Variants in XYLB observed in about 807,000 individuals in gnomAD.
XYLB encodes the protein xylulose kinase.
Under a neutral mutation model 78.7 loss-of-function variants are expected in XYLB, and 62 were observed. The ratio of observed to expected loss-of-function variants is 0.79; its 90% CI spans 0.64 to 0.97. The LOEUF is 0.97. Among genes scored for constraint, XYLB ranks in the 50% least tolerant of loss-of-function variants. The pLI, the probability that XYLB is intolerant of heterozygous loss-of-function variation, is 0.00. For synonymous variants in XYLB, 245 were observed against 247.4 expected (o/e 0.99, Z 0.09); for missense variants, 687 against 676.8 (o/e 1.02, Z -0.17).
the XYLB span, among the ~76,000 whole-genome samples, chr3:38,437,378 C>T: frequency 6.6e-6 from 1 of 152,132 alleles, no homozygotes; most frequent in Non-Finnish European, 1.5e-5. Context: ...TTTACCACTC[C>T]TATTCAACAT....
the XYLB span, chr3:38,452,203 A>G: frequency 1.3e-5 from 2 of 152,192 alleles, no homozygotes; most frequent in Non-Finnish European, 2.9e-5. Flanking sequence ...CATAGTATTC[A>G]ATCCTGTGTT....
chr3:38,423,352 G>A (rs1427282295), downstream of XYLB, among the ~76,000 whole-genome samples: 1 of 152,222 alleles, frequency 6.6e-6, no homozygotes, highest in Non-Finnish European at 1.5e-5. Context: ...GATTACAGGT[G>A]TGAGCCACCA....
chr3:38,365,974 G>GGGGT (rs1706237583), intron 6 of XYLB, among the ~76,000 whole-genome samples: 1 of 152,036 alleles, frequency 6.6e-6, no homozygotes, highest in African/African-American at 2.4e-5. Flanking sequence ...TGGGGGTGAG[G>GGGGT]GTACCCCCTC....
At chr3:38,387,612 TC>T (rs1707443224) in intron 15 of XYLB, among the ~76,000 whole-genome samples, 1 of 152,146 alleles carries the variant, frequency 6.6e-6, no homozygotes, top group African/African-American at 2.4e-5. Flanking sequence ...CCTCAGGTGA[TC>T]CGCCTGCCTC....
chr3:38,451,428 G>C, the XYLB span: 1 of 152,126 alleles, frequency 6.6e-6, no homozygotes, highest in South Asian at 2.1e-4. Context: ...TTCAAGACCA[G>C]CCTGGCCAAC....
chr3:38,450,651 C>G, the XYLB span, among the ~76,000 whole-genome samples: 4 of 152,066 alleles, frequency 2.6e-5, no homozygotes, highest in African/African-American at 9.7e-5. Flanking sequence ...AACAGAAAAC[C>G]CAAATAGAAC....
chr3:38,443,376 A>G, the XYLB span, among the ~76,000 whole-genome samples: 1 of 152,122 alleles, frequency 6.6e-6, no homozygotes, highest in Non-Finnish European at 1.5e-5. Context: ...CCTTCCAGTG[A>G]TTGCCTCGGC....
At chr3:38,450,632 G>A in the XYLB span, among the ~76,000 whole-genome samples, 15 of 152,078 alleles carry the variant, frequency 9.9e-5, no homozygotes, top group African/African-American at 3.1e-4. Context: ...TCTTGTAGTC[G>A]TTCAAAAGAA....
intron 5 of XYLB, 56 bp downstream of exon 5, chr3:38,365,341 G>T (rs1261919198): frequency 6.4e-7 from 1 of 1,572,326 alleles, no homozygotes. Context: ...CCCAAGTCCT[G>T]TGGGTCCTGA....
the XYLB span, among the ~76,000 whole-genome samples, chr3:38,432,417 A>G: frequency 2.6e-5 from 4 of 152,086 alleles, no homozygotes; most frequent in Non-Finnish European, 5.9e-5. Flanking sequence ...AAATACAAAA[A>G]TTAGCTGGGC....
intron 2 of XYLB, among the ~76,000 whole-genome samples, chr3:38,359,937 C>T (rs1166300228): frequency 6.6e-6 from 1 of 152,136 alleles, no homozygotes; most frequent in African/African-American, 2.4e-5. Flanking sequence ...GCCTGTAGTC[C>T]AAGGACTTGT....
downstream of XYLB, among the ~76,000 whole-genome samples, chr3:38,415,580 C>T (rs1217611056): frequency 6.6e-6 from 1 of 151,912 alleles, no homozygotes; most frequent in Non-Finnish European, 1.5e-5. Context: ...GTCAGGAGCT[C>T]GAGACCAGAC....
At chr3:38,428,622 A>G in the XYLB span, among the ~76,000 whole-genome samples, 1 of 152,216 alleles carries the variant, frequency 6.6e-6, no homozygotes, top group South Asian at 2.1e-4. Context: ...TGATATTACT[A>G]TAGCCACTCC....
the XYLB span, among the ~76,000 whole-genome samples, chr3:38,430,974 G>A: frequency 6.6e-6 from 1 of 152,218 alleles, no homozygotes; most frequent in South Asian, 2.1e-4. Flanking sequence ...AGTATAGTTT[G>A]AAGTCAGGTA....
intron 12 of XYLB, among the ~76,000 whole-genome samples, chr3:38,375,480 G>T (rs966034183): frequency 3.3e-4 from 51 of 152,320 alleles, no homozygotes; most frequent in Middle Eastern, 6.8e-3. Flanking sequence ...TCAAGCCCAG[G>T]TTCAAATTCT....
intron 15 of XYLB, among the ~76,000 whole-genome samples, chr3:38,392,609 T>C (rs1707713241): frequency 6.6e-6 from 1 of 152,136 alleles, no homozygotes; most frequent in Non-Finnish European, 1.5e-5. Flanking sequence ...TTAATAATGA[T>C]TTTGAACAGC....
At chr3:38,356,446 A>T (rs540692895) in intron 2 of XYLB, 2 of 152,370 alleles carry the variant, frequency 1.3e-5, no homozygotes, top group East Asian at 1.9e-4. Context: ...CATCCACTGT[A>T]TAGTCCCCCT....
At chr3:38,380,988 A>G (rs970699745) in intron 15 of XYLB, among the ~76,000 whole-genome samples, 2 of 152,184 alleles carry the variant, frequency 1.3e-5, no homozygotes, top group African/African-American at 4.8e-5. Context: ...ATGGCACTAC[A>G]GGCCAGGCAC....
rs3828443 is a variant in XYLB, at chr3:38,375,292, G to A, written c.1004+33G>A. ...TGGGTGTTGGTTGGCACCATTCCCTGGGTGAGGAGGTGTGGGCAGGTCTGG... is the reference window on the plus strand; with the variant it reads ...TGGGTGTTGGTTGGCACCATTCCCTAGGTGAGGAGGTGTGGGCAGGTCTGG... On this transcript the variant is annotated intron_variant, in intron 12 of 18. Transcript: ENST00000207870. 3,956 of 1,592,514 alleles carry A rather than the reference G, an allele frequency of 2.5e-3. 45 individuals carry two copies. Among genetic ancestry groups the A allele is most frequent in the East Asian group, 0.021 (928 of 44,558 alleles).
Sources: gnomAD v4.1 joint callset for allele counts (sites outside exome capture counted in the v4.1 genomes callset) on GRCh38, gnomAD v4.1.1 for gene constraint, MANE v1.5 for transcripts, NCBI Gene and HGNC (gene_info 2026-07-23, HGNC 2026-07-21) for gene names.